The following FRMD7 variants were observed in gnomAD, a reference collection of about 807,000 sequenced individuals.
FRMD7 encodes FERM domain containing 7.
A neutral mutation model predicts 44.1 loss-of-function variants in FRMD7; 14 were observed. The observed-to-expected ratio is 0.32, with a 90% confidence interval of 0.21 to 0.50. The LOEUF (loss-of-function observed/expected upper bound fraction) is 0.50, where lower values mean the gene tolerates loss of function less well. FRMD7 is among the 20% of genes least tolerant of loss of function. FRMD7 has a pLI of 0.99. For synonymous variants in FRMD7, 212 were observed against 187.4 expected, an observed-to-expected ratio of 1.13 and a Z score of -1.07; for missense variants, 501 against 522.3, an observed-to-expected ratio of 0.96 and a Z score of 0.40.
In FRMD7 at chrX:132,114,626, G is replaced by A. The variant is rs1292924734; in HGVS notation, c.57+13162C>T. Among the ~76,000 whole-genome samples, 3 of 112,079 alleles carry A rather than the reference G, an allele frequency of 2.7e-5. No homozygotes were observed. The Admixed American group carries it at 2.8e-4, about 11-fold the overall frequency. ...GATTCAAACTGATTAGCAAAAATGA[G>A]ATGTCATGTGAGCTATCACTCAAGC... On this transcript the variant is annotated intron_variant, in intron 1 of 11. Coordinates refer to ENST00000298542, the MANE Select transcript of FRMD7 (RefSeq NM_194277.3).
chrX:132,088,540 T>G (rs1223986076), intron 5 of FRMD7, among the ~76,000 whole-genome samples: 2 of 96,914 alleles, frequency 2.1e-5, no homozygotes, highest in Non-Finnish European at 4.1e-5. Context: ...GTTGGGTGAA[T>G]GAGTGAGGCC....
chrX:132,083,735 G>A (rs1205736782), intron 8 of FRMD7, among the ~76,000 whole-genome samples: 1 of 112,212 alleles, frequency 8.9e-6, no homozygotes, highest in East Asian at 2.8e-4. Context: ...CAGAGTAAGA[G>A]GATCATTTGA....
chrX:132,078,796 C>G lies in FRMD7; in HGVS notation c.1221G>C (p.Gln407His), dbSNP rs771555307. ...AAGGGAAAGAGGAACTGCTTTGGGA[C>G]TGATGTAGCAATGTGGGATCCGCCT... ...KPEADPTLLH[Q>H]SQSSSSFPFI... Residue 407 changes from glutamine (Q) to histidine (H), a missense_variant, in exon 12 of 12, where the codon CAG becomes CAC. Transcript: ENST00000298542. The G allele has an allele frequency of 2.5e-6, 3 of 1,211,211 alleles. No individual in the cohort carries two copies. In the Admixed American group the frequency reaches 6.5e-5, roughly 26 times the overall value.
chrX:132,097,424 CA>C (rs1437847442), intron 3 of FRMD7, 80 bp from the exon 4 acceptor site: 21 of 595,457 alleles, frequency 3.5e-5, no homozygotes, highest in South Asian at 6.9e-5. Flanking sequence ...CACACACACA[CA>C]CACCCACACA....
chrX:132,118,520 C>T (rs1335875330), intron 1 of FRMD7, among the ~76,000 whole-genome samples: 1 of 111,386 alleles, frequency 9.0e-6, no homozygotes, highest in Non-Finnish European at 1.9e-5. Context: ...AACTGGAGGC[C>T]AAGCTCCTCC....
At chrX:132,088,138 A>G (rs1928054419) in intron 5 of FRMD7, among the ~76,000 whole-genome samples, 1 of 112,607 alleles carries the variant, frequency 8.9e-6, no homozygotes, top group South Asian at 3.6e-4. Flanking sequence ...CATCTATTCA[A>G]CATTGTACTG....
chrX:132,127,765 A>T, intron 1 of FRMD7, 23 bp downstream of exon 1: 1 of 1,139,652 alleles, frequency 8.8e-7, no homozygotes. Context: ...TAAAGGAATA[A>T]TAGCAATGTG....
rs756025701 is a variant in FRMD7 at position 132,078,890 on chromosome X, A to G, written c.1127T>C (p.Leu376Pro). ...TGCAGAATTCCTCCTCCTACTCTCC[A>G]GCACTGGCTCAGATGCGTGCACTCC... Reference protein sequence around the residue: ...VNGVHASEPVLESRRRNSALE... With the variant: ...VNGVHASEPVPESRRRNSALE... Residue 376 changes from leucine (L) to proline (P), a missense_variant, in exon 12 of 12, where the codon CTG (leucine) becomes CCG (proline). Around this residue, in one of 3 missense-constraint regions of FRMD7, gnomAD observed 453 missense variants for 452.7 expected, o/e 1.00. Transcript: ENST00000298542. 4 of 1,206,404 alleles carry G rather than the reference A, an allele frequency of 3.3e-6. No individual in the cohort carries two copies. In the Admixed American group the frequency reaches 8.7e-5, roughly 26 times the overall value.
At chrX:132,110,133 G>T (rs1201006991) in intron 1 of FRMD7, among the ~76,000 whole-genome samples, 1 of 111,361 alleles carries the variant, frequency 9.0e-6, no homozygotes, top group Non-Finnish European at 1.9e-5. Context: ...TAAAATGCAG[G>T]TTCAGATTCT....
intron 7 of FRMD7, among the ~76,000 whole-genome samples, 177 bp from the exon 8 acceptor site, chrX:132,084,762 G>T (rs993738599): frequency 9.0e-6 from 1 of 111,610 alleles, no homozygotes; most frequent in Admixed American, 9.6e-5. Flanking sequence ...TTTCAGGTGG[G>T]ATACAAGGAT....
intron 4 of FRMD7, among the ~76,000 whole-genome samples, chrX:132,095,920 C>T (rs754386382): frequency 1.8e-3 from 201 of 112,612 alleles, no homozygotes; most frequent in Middle Eastern, 4.7e-3. Flanking sequence ...TCATTTGACA[C>T]GTTCCTTGCT....
chrX:132,104,187 A>G (rs757320993), intron 1 of FRMD7, among the ~76,000 whole-genome samples: 104 of 112,590 alleles, frequency 9.2e-4, no homozygotes, highest in African/African-American at 3.1e-3. Flanking sequence ...ATGCACATGT[A>G]TAGATATATG....
chrX:132,110,908 C>G (rs192491377), intron 1 of FRMD7, among the ~76,000 whole-genome samples: 171 of 112,706 alleles, frequency 1.5e-3, no homozygotes, highest in African/African-American at 5.2e-3. Flanking sequence ...ACCTGGGCCA[C>G]GCACAGTGGC....
chrX:132,115,613 A>G (rs1406040642), intron 1 of FRMD7, among the ~76,000 whole-genome samples: 1 of 112,095 alleles, frequency 8.9e-6, no homozygotes, highest in African/African-American at 3.2e-5. Flanking sequence ...GTGTCTTAAA[A>G]TTAGTTGTAC....
At chrX:132,126,950 C>T (rs1929170597) in intron 1 of FRMD7, among the ~76,000 whole-genome samples, 1 of 112,401 alleles carries the variant, frequency 8.9e-6, no homozygotes, top group Admixed American at 9.4e-5. Context: ...TGAGCCACAG[C>T]AGTTGTCAGT....
Position 132,112,995 on chromosome X carries a change from G to C in FRMD7, c.58-12279C>G, listed in dbSNP as rs765496423. Reference sequence around the variant, plus strand: ...GCTCAGCGTTAACCTTCACACTAAGGGGGGCAGGGGTGAAGAAAAAGATTA... The same window carrying C: ...GCTCAGCGTTAACCTTCACACTAAGCGGGGCAGGGGTGAAGAAAAAGATTA... On this transcript the variant is annotated intron_variant, in intron 1 of 11. Transcript: ENST00000298542. 1.1e-4 allele frequency among the ~76,000 whole-genome samples: 12 copies of C among 111,229 alleles called. 1 individual carries two copies. Among genetic ancestry groups the C allele is most frequent in the Non-Finnish European group, 1.1e-4 (6 of 52,993 alleles).
At chrX:132,108,275 G>A (rs1928694300) in intron 1 of FRMD7, among the ~76,000 whole-genome samples, 1 of 111,959 alleles carries the variant, frequency 8.9e-6, no homozygotes, top group Non-Finnish European at 1.9e-5. Context: ...TAATGAGCAT[G>A]GAGTTTCTTT....
chrX:132,088,831 G>A (rs1018035301), intron 5 of FRMD7, among the ~76,000 whole-genome samples: 2 of 111,677 alleles, frequency 1.8e-5, no homozygotes, highest in Non-Finnish European at 3.8e-5. Context: ...ATGCTGCCAA[G>A]GGAAATTTTT....
Position 132,078,517 on chromosome X carries a change from G to A in FRMD7, c.1500C>T (p.Asp500=), listed in dbSNP as rs746965522. The change falls in exon 12 of 12, where the codon GAC becomes GAT. Residue 500 remains aspartate (D), a synonymous_variant. Transcript: ENST00000298542. ...ACCATCTGGGCACCTGGGGTGGCTT[G>A]TCCACATAAAAAAAGACCTGGGGAG... The part of the protein sequence containing the change: ...IMPPQVFFYV[D]KPPQVPRWSP... 8.3e-7 allele frequency: 1 copy of A among 1,211,090 alleles called. No individual in the cohort carries two copies. Among genetic ancestry groups the A allele is most frequent in the Non-Finnish European group, 1.1e-6 (1 of 895,053 alleles).
Sources: allele counts gnomAD v4.1 joint callset (sites outside exome capture counted in the v4.1 genomes callset), GRCh38; gene constraint gnomAD v4.1.1; regional missense constraint gnomAD v4.1.1; transcripts MANE v1.5; gene names NCBI Gene and HGNC (gene_info 2026-07-23, HGNC 2026-07-21).